Variants in TRPV2 observed in about 807,000 individuals in gnomAD.
TRPV2 encodes transient receptor potential cation channel subfamily V member 2.
Under a neutral mutation model 91.0 loss-of-function variants are expected in TRPV2, and 58 were observed. The observed-to-expected ratio is 0.64, with a 90% confidence interval of 0.52 to 0.79. The LOEUF (loss-of-function observed/expected upper bound fraction) is 0.79. Ranked by LOEUF, TRPV2 falls within the 30% of genes least tolerant of loss-of-function variation. The pLI, the probability that TRPV2 is intolerant of heterozygous loss-of-function variation, is 0.00. For missense variants in TRPV2, 807 were observed against 969.6 expected (o/e 0.83, Z 2.23); for synonymous variants, 417 against 414.8 (o/e 1.01, Z -0.06).
chr17:16,432,334 C>A (rs1298211023), intron 12 of TRPV2, 34 bp downstream of exon 12: 2 of 1,569,410 alleles, frequency 1.3e-6, no homozygotes, highest in East Asian at 2.3e-5. Flanking sequence ...CCCCACCCCA[C>A]CCCACACTCA....
At chr17:16,422,538 G>A in intron 3 of TRPV2, 61 bp from the exon 4 acceptor site, 1 of 1,548,044 alleles carries the variant, frequency 6.5e-7, no homozygotes, top group Non-Finnish European at 8.8e-7. Context: ...GAGCTATCGG[G>A]CAGCCCAGCC....
rs1391305758 is a variant in TRPV2 at position 16,435,007 on chromosome 17, G to A, written c.2194+38G>A. The A allele has an allele frequency of 1.3e-6, 2 of 1,559,994 alleles. No individual in the cohort carries two copies. On this transcript the variant is annotated intron_variant, in intron 14 of 14. Coordinates refer to ENST00000338560, the MANE Select transcript of TRPV2 (RefSeq NM_016113.5). The surrounding 1 kb of genome is among the most constrained non-coding windows in gnomAD (Gnocchi z 4.2). ...GTGACTAGAGCCTCTGCCCTGGGGT[G>A]TGTGTCTCTGCTGCTTGGCCACAAA...
intron 10 of TRPV2, among the ~76,000 whole-genome samples, chr17:16,431,291 A>ATACATTT (rs1333090555): frequency 5.9e-5 from 4 of 67,392 alleles, no homozygotes; most frequent in African/African-American, 2.6e-4. Context: ...ATATATACAT[A>ATACATTT]TTTTTTTTTT....
chr17:16,436,216 T>C (rs942448254), intron 14 of TRPV2, among the ~76,000 whole-genome samples: 1 of 152,156 alleles, frequency 6.6e-6, no homozygotes, highest in African/African-American at 2.4e-5. Context: ...CAGCCTGCAC[T>C]CTTACCCATT....
In TRPV2 at chr17:16,421,485, C is replaced by G. The variant is rs987728712; in HGVS notation, c.335-1114C>G. ...CGCCCGCCTTGGCCTACCAAAAATG[C>G]TGGGATTACAGGCGTGAGCCACCGC... On this transcript the variant is annotated intron_variant, in intron 3 of 14. Coordinates refer to ENST00000338560, the MANE Select transcript of TRPV2 (RefSeq NM_016113.5). 9.3e-5 allele frequency among the ~76,000 whole-genome samples: 14 copies of G among 150,236 alleles called. No homozygotes were observed. The East Asian group carries it at 2.7e-3, about 29-fold the overall frequency.
intron 3 of TRPV2, 61 bp downstream of exon 3, chr17:16,420,309 G>A (rs2093350923): frequency 1.3e-6 from 2 of 1,567,274 alleles, no homozygotes; most frequent in Non-Finnish European, 1.7e-6. Context: ...TAGGTGGGCT[G>A]TGTGGGCTTG....
At chr17:16,428,205 C>A in intron 8 of TRPV2, 112 bp from the exon 9 acceptor site, 1 of 984,732 alleles carries the variant, frequency 1.0e-6, no homozygotes, top group South Asian at 1.3e-5. Flanking sequence ...CCCCCAAAAC[C>A]AAAGCTGCTG....
In TRPV2 at chr17:16,436,876, T is replaced by C. The variant is rs762982578; in HGVS notation, c.2282T>C (p.Leu761Pro). ...SEENYVPVQL[L>P]QSN ...GAAAACTATGTGCCCGTCCAGCTCC[T>C]CCAGTCCAACTGATGGCCCAGATGC... Residue 761 changes from leucine (L) to proline (P), a missense_variant, in exon 15 of 15, where the codon CTC becomes CCC. Coordinates refer to ENST00000338560, the MANE Select transcript of TRPV2 (RefSeq NM_016113.5). 6.2e-7 allele frequency: 1 copy of C among 1,613,930 alleles called. No homozygotes were observed. The highest frequency in any genetic ancestry group is 8.5e-7 in the Non-Finnish European group (1 of 1,179,842).
At chr17:16,436,353 C>T (rs2093433879) in intron 14 of TRPV2, among the ~76,000 whole-genome samples, 1 of 152,232 alleles carries the variant, frequency 6.6e-6, no homozygotes, top group Admixed American at 6.5e-5. Context: ...CTCCCCACAC[C>T]TCCATCCACA....
rs1358459694 is a variant in TRPV2 at position 16,436,940 on chromosome 17, C to A, written c.*51C>A. 2 of 1,422,126 alleles carry A rather than the reference C, an allele frequency of 1.4e-6. No individual in the cohort carries two copies. The highest frequency in any genetic ancestry group is 2.0e-6 in the Non-Finnish European group (2 of 1,007,208). 88.1% of individuals were successfully genotyped at this position (1,422,126 alleles called of 1,614,324 possible). The stretch of plus-strand genomic sequence containing the variant: ...AGGACAGAGCAGAGGATCTTTCCAA[C>A]CACATCTGCTGGCTCTGGGGTCCCA... On this transcript the variant is annotated 3_prime_UTR_variant, in exon 15 of 15. Transcript: ENST00000338560.
intron 8 of TRPV2, 133 bp downstream of exon 8, chr17:16,427,680 G>A: frequency 1.3e-6 from 1 of 794,500 alleles, no homozygotes; most frequent in Non-Finnish European, 1.9e-6. Context: ...CACTGAAGCT[G>A]AGGGCCAGAG....
At chr17:16,431,290 T>TATATAC (rs2093410919) in intron 10 of TRPV2, among the ~76,000 whole-genome samples, 1 of 20,570 alleles carries the variant, frequency 4.9e-5, no homozygotes, top group African/African-American at 1.7e-4. Context: ...TATATATACA[T>TATATAC]ATTTTTTTTT....
chr17:16,419,432 T>G, intron 2 of TRPV2: 1 of 470,820 alleles, frequency 2.1e-6, no homozygotes, highest in Middle Eastern at 3.3e-4. Context: ...TCTGGGAAAT[T>G]TCTTGCTGCC....
intron 14 of TRPV2, among the ~76,000 whole-genome samples, chr17:16,436,262 C>T (rs1418069693): frequency 6.6e-6 from 1 of 152,208 alleles, no homozygotes; most frequent in Admixed American, 6.5e-5. Context: ...CCACATGCAG[C>T]CCACGCTACA....
In TRPV2 at chr17:16,420,161, G is replaced by T. The variant is rs779035636; in HGVS notation, c.247G>T (p.Val83Phe). Reference sequence around the variant, plus strand: ...TGACCGAGATCGGCTCTTCAATGCGGTCTCCCGGGGTGTCCCCGAGGATCT... The same window carrying T: ...TGACCGAGATCGGCTCTTCAATGCGTTCTCCCGGGGTGTCCCCGAGGATCT... ...RFDRDRLFNA[V>F]SRGVPEDLAG... The change falls in exon 3 of 15, where the codon GTC becomes TTC. Residue 83 changes from valine (V) to phenylalanine (F), a missense_variant. Physicochemically the swap from Val to Phe is conservative, Grantham distance 50 (BLOSUM62 -1). Transcript: ENST00000338560. 6.2e-7 allele frequency: 1 copy of T among 1,614,074 alleles called. No individual in the cohort carries two copies. Among genetic ancestry groups the T allele is most frequent in the Non-Finnish European group, 8.5e-7 (1 of 1,179,954 alleles).
intron 12 of TRPV2, 139 bp downstream of exon 12, chr17:16,432,439 C>CT (rs5819571): frequency 0.26 from 138,537 of 528,020 alleles, 4,113 homozygotes; most frequent in Middle Eastern, 0.29. Flanking sequence ...CTTCCTCTTC[C>CT]TTTTTTTTTT....
At position 16,431,868 on chromosome 17, in the gene TRPV2, C is replaced by T. The variant is rs772476914; in HGVS notation, c.1654+18C>T. ...CGCTGTAGGTAAAGGCTCCCTCCGGCCCCCTCCCCCTTCCCCACGTTCCTT... is the reference window on the plus strand; with the variant it reads ...CGCTGTAGGTAAAGGCTCCCTCCGGTCCCCTCCCCCTTCCCCACGTTCCTT... On this transcript the variant is annotated intron_variant, in intron 11 of 14. Coordinates refer to ENST00000338560, the MANE Select transcript of TRPV2 (RefSeq NM_016113.5). 7 of 1,613,810 alleles carry T rather than the reference C, an allele frequency of 4.3e-6. No individual in the cohort carries two copies. Among genetic ancestry groups the T allele is most frequent in the African/African-American group, 4.0e-5 (3 of 74,926 alleles).
Position 16,431,750 on chromosome 17 carries a change from T to A in TRPV2, c.1588-34T>A, listed in dbSNP as rs1465350813. On this transcript the variant is annotated intron_variant, in intron 10 of 14. Coordinates refer to ENST00000338560, the MANE Select transcript of TRPV2 (RefSeq NM_016113.5). Reference sequence around the variant, plus strand: ...CTGGGGTCGTGACTGGTGGCCCAGCTACCCACCCTGGCCCCTGGGCACATG... The same window carrying A: ...CTGGGGTCGTGACTGGTGGCCCAGCAACCCACCCTGGCCCCTGGGCACATG... 6 of 1,608,988 alleles carry A rather than the reference T, an allele frequency of 3.7e-6. No homozygotes were observed. The African/African-American group carries it at 6.7e-5, about 18-fold the overall frequency.
intron 8 of TRPV2, among the ~76,000 whole-genome samples, chr17:16,428,113 C>A (rs1336191310): frequency 6.6e-6 from 1 of 152,208 alleles, no homozygotes; most frequent in South Asian, 2.1e-4. Flanking sequence ...TCTTCACCTG[C>A]ACCCCCCGGC....
Sources: allele counts gnomAD v4.1 joint callset (sites outside exome capture counted in the v4.1 genomes callset), GRCh38; gene constraint gnomAD v4.1.1; non-coding constraint Gnocchi (gnomAD v3.1); transcripts MANE v1.5; gene names NCBI Gene and HGNC (gene_info 2026-07-23, HGNC 2026-07-21).